NUTF2: variants seen among roughly 807,000 people sequenced by gnomAD.
The protein encoded by NUTF2 is placental protein 15.
Under a neutral mutation model 18.5 loss-of-function variants are expected in NUTF2, and 3 were observed. The ratio of observed to expected loss-of-function variants is 0.16; its 90% confidence interval spans 0.07 to 0.42. The LOEUF is 0.42. Ranked by LOEUF, NUTF2 falls within the 10% of genes least tolerant of loss-of-function variation. NUTF2 has a pLI of 0.99. For missense variants in NUTF2, 44 were observed against 160.7 expected (o/e 0.27, Z 3.93); for synonymous variants, 51 against 57.9 (o/e 0.88, Z 0.54).
At chr16:67,849,937 C>T (rs575769262) in intron 1 of NUTF2, among the ~76,000 whole-genome samples, 7 of 152,222 alleles carry the variant, frequency 4.6e-5, no homozygotes, top group South Asian at 4.1e-4. Flanking sequence ...GGATTCCAGG[C>T]GTGAGCCACC....
In NUTF2 at chr16:67,871,881, TC is replaced by T. The variant is rs2058016035; in HGVS notation, c.*970del. Reference sequence around the variant, plus strand: ...AGGCAGGTAACCCGAAGAGCCAGCCTCCACTGCCCACAGAGCCAGGCCCAGT... The same window carrying T: ...AGGCAGGTAACCCGAAGAGCCAGCCTCACTGCCCACAGAGCCAGGCCCAGT... On this transcript the variant is annotated 3_prime_UTR_variant, in exon 5 of 5. Coordinates refer to ENST00000219169, the MANE Select transcript of NUTF2 (RefSeq NM_005796.3). The T allele has an allele frequency of 6.6e-6, 1 of 152,258 alleles. No individual in the cohort carries two copies. The highest frequency in any genetic ancestry group is 1.5e-5 in the Non-Finnish European group (1 of 68,106). The allele number at this position is 152,258 out of a possible 1,614,324, so 9.4% of individuals were successfully genotyped here.
intron 1 of NUTF2, 138 bp from the exon 2 acceptor site, chr16:67,864,964 C>T (rs929548159): frequency 1.0e-5 from 6 of 583,658 alleles, no homozygotes; most frequent in African/African-American, 1.9e-5. Flanking sequence ...TGCCAGTTCC[C>T]CAGGGCCTGT....
chr16:67,866,579 T>C (rs978881253), intron 2 of NUTF2, among the ~76,000 whole-genome samples: 4 of 151,952 alleles, frequency 2.6e-5, no homozygotes, highest in African/African-American at 7.3e-5. Context: ...TATTCTCCCA[T>C]CTCAGCCTCC....
At position 67,851,090 on chromosome 16, in the gene NUTF2, C is replaced by G. The variant is rs770426508; in HGVS notation, c.-30+4105C>G. ...TGCTAGGATTACAGGTGTGAGCCAC[C>G]GCACCTGGCCGAGCCCATCTCTTCT... On this transcript the variant is annotated intron_variant, in intron 1 of 4. Coordinates refer to ENST00000219169, the MANE Select transcript of NUTF2 (RefSeq NM_005796.3). 2.0e-5 allele frequency among the ~76,000 whole-genome samples: 3 copies of G among 151,946 alleles called. No individual in the cohort carries two copies. The South Asian group carries it at 6.2e-4, about 32-fold the overall frequency.
chr16:67,866,176 C>T (rs534762023), intron 2 of NUTF2, among the ~76,000 whole-genome samples: 1 of 152,272 alleles, frequency 6.6e-6, no homozygotes, highest in South Asian at 2.1e-4. Flanking sequence ...ATTGGGCTGA[C>T]TCTCCACAGT....
At position 67,868,393 on chromosome 16, in the gene NUTF2, C is replaced by T. The variant is rs770645673; in HGVS notation, c.153C>T (p.Ala51=). 2 of 1,614,160 alleles carry T rather than the reference C, an allele frequency of 1.2e-6. No homozygotes were observed. Among genetic ancestry groups the T allele is most frequent in the Non-Finnish European group, 1.7e-6 (2 of 1,180,034 alleles). ...GACAACAGTTCCAGGGGAAAGCTGC[C>T]ATTGTGGAGAAGTTGTCTGTAAGTA... The part of the protein sequence containing the change: ...WEGQQFQGKA[A]IVEKLSSLPF... The change falls in exon 3 of 5, where the codon GCC becomes GCT. Residue 51 remains alanine (A), a synonymous_variant. Transcript: ENST00000219169.
intron 2 of NUTF2, among the ~76,000 whole-genome samples, chr16:67,867,289 A>C (rs1408949724): frequency 6.6e-6 from 1 of 152,220 alleles, no homozygotes; most frequent in Non-Finnish European, 1.5e-5. Context: ...CTCTTAAAGC[A>C]GGCCTGAGCC....
At chr16:67,855,941 G>A in intron 1 of NUTF2, 2 of 925,160 alleles carry the variant, frequency 2.2e-6, no homozygotes, top group East Asian at 2.6e-5. Context: ...CGGGGAGTGG[G>A]CAGATGTCCA....
rs560629206 is a variant in NUTF2, at chr16:67,851,655, C to T, written c.-30+4670C>T. On this transcript the variant is annotated intron_variant, in intron 1 of 4. Transcript: ENST00000219169. The stretch of plus-strand genomic sequence containing the variant: ...TGTATCTCCTAATGCTATCCCTCCC[C>T]GCTACCCCCGCCCCAGGACAGGCCC... 5.9e-5 allele frequency among the ~76,000 whole-genome samples: 9 copies of T among 152,202 alleles called. No homozygotes were observed. In the South Asian group the frequency reaches 1.5e-3, roughly 25 times the overall value.
chr16:67,855,123 C>T (rs1244400525), intron 1 of NUTF2, among the ~76,000 whole-genome samples: 1 of 152,134 alleles, frequency 6.6e-6, no homozygotes, highest in Non-Finnish European at 1.5e-5. Flanking sequence ...CTGTGATTCT[C>T]TCTTCCTTTG....
At chr16:67,859,795 CTTTTTTTTTTTTTTT>C (rs34914554) in intron 1 of NUTF2, among the ~76,000 whole-genome samples, 2 of 45,626 alleles carry the variant, frequency 4.4e-5, no homozygotes, top group South Asian at 1.1e-3. Context: ...TGCGCCAGGC[CTTTTTTTTTTTTTTT>C]TTTTTTTTTT....
At chr16:67,850,377 T>A (rs1478246278) in intron 1 of NUTF2, among the ~76,000 whole-genome samples, 2 of 151,700 alleles carry the variant, frequency 1.3e-5, no homozygotes, top group East Asian at 1.9e-4. Flanking sequence ...GCTAATTTTT[T>A]GTGTGTTTTT....
At chr16:67,865,024 G>C (rs1185190344) in intron 1 of NUTF2, 78 bp from the exon 2 acceptor site, 1 of 697,728 alleles carries the variant, frequency 1.4e-6, no homozygotes, top group Non-Finnish European at 2.5e-6. Context: ...AGGAAGGCCA[G>C]TGAGGGGTGG....
At chr16:67,863,424 C>T (rs1022010200) in intron 1 of NUTF2, among the ~76,000 whole-genome samples, 8 of 151,406 alleles carry the variant, frequency 5.3e-5, no homozygotes, top group African/African-American at 1.9e-4. Context: ...GTGTTGGTCA[C>T]AGAGCGGAGG....
In NUTF2 at chr16:67,859,975, TA is replaced by T. The variant is rs113671708; in HGVS notation, c.-29-5126del. On this transcript the variant is annotated intron_variant, in intron 1 of 4. Coordinates refer to ENST00000219169, the MANE Select transcript of NUTF2 (RefSeq NM_005796.3). ...ACACCACCATGGCCAGATATTTTAT[TA>T]TTTTTTTTTTTCTTTTTTTTTGAGA... 3.3e-3 allele frequency among the ~76,000 whole-genome samples: 502 copies of T among 150,024 alleles called. 7 individuals are homozygous for T. Among genetic ancestry groups the T allele is most frequent in the African/African-American group, 0.011 (463 of 40,594 alleles).
intron 1 of NUTF2, among the ~76,000 whole-genome samples, chr16:67,851,226 T>C (rs2057854963): frequency 6.6e-6 from 1 of 152,052 alleles, no homozygotes; most frequent in South Asian, 2.1e-4. Context: ...CTCATGCCTG[T>C]AATCCCAGCA....
intron 1 of NUTF2, among the ~76,000 whole-genome samples, chr16:67,848,838 G>T (rs2057829986): frequency 6.6e-6 from 1 of 151,998 alleles, no homozygotes; most frequent in South Asian, 2.1e-4. Flanking sequence ...TCTTAGAAGG[G>T]CTGATTGAGA....
At chr16:67,855,900 T>TG (rs1256646247) in intron 1 of NUTF2, 16 of 222,490 alleles carry the variant, frequency 7.2e-5, no homozygotes, top group Admixed American at 2.3e-4. Flanking sequence ...GGGGGGGGGA[T>TG]GGGGGAAATG....
intron 1 of NUTF2, among the ~76,000 whole-genome samples, chr16:67,853,591 T>A (rs7196076): frequency 0.11 from 16,951 of 152,088 alleles, 1,075 homozygotes; most frequent in South Asian, 0.18. Context: ...CTCCTGACTT[T>A]GTGATCTGCC....
Sources: gnomAD v4.1 joint callset for allele counts (sites outside exome capture counted in the v4.1 genomes callset) on GRCh38, gnomAD v4.1.1 for gene constraint, MANE v1.5 for transcripts, NCBI Gene and HGNC (gene_info 2026-07-23, HGNC 2026-07-21) for gene names.